The following NCAPH2 variants were observed in gnomAD, a reference collection of about 807,000 sequenced individuals.
The protein encoded by NCAPH2 is condensin-2 complex subunit H2.
NCAPH2 carries 56 observed loss-of-function variants against 88.6 expected under a neutral mutation model. The ratio of observed to expected loss-of-function variants is 0.63; its 90% CI spans 0.51 to 0.79. The LOEUF (loss-of-function observed/expected upper bound fraction) is 0.79, where lower values mean the gene tolerates loss of function less well. Among genes scored for constraint, NCAPH2 ranks in the 30% least tolerant of loss-of-function variants. The pLI is 0.00. For missense variants in NCAPH2, 794 were observed against 792.0 expected (o/e 1.00, Z -0.03); for synonymous variants, 378 against 313.6 (o/e 1.21, Z -2.17).
At position 50,523,784 on chromosome 22, in the gene NCAPH2, TGTA is replaced by T; in HGVS notation, c.*413_*415del. ...TGGTCCTCATCCTTGGGGCCTGCAT[TGTA>T]GTACACGCGGTAACTGTGACTAGCC... is the stretch of plus-strand genomic sequence containing the variant. On this transcript the variant is annotated 3_prime_UTR_variant, in exon 20 of 20. Coordinates refer to ENST00000420993, the MANE Select transcript of NCAPH2 (RefSeq NM_152299.4). 1.2e-6 allele frequency: 2 copies of T among 1,614,122 alleles called. No homozygotes were observed. Among genetic ancestry groups the T allele is most frequent in the Non-Finnish European group, 1.7e-6 (2 of 1,180,014 alleles).
At chr22:50,512,200 C>G (rs2068803190) in intron 1 of NCAPH2, among the ~76,000 whole-genome samples, 1 of 152,242 alleles carries the variant, frequency 6.6e-6, no homozygotes, top group Non-Finnish European at 1.5e-5. Flanking sequence ...AGTAGAGTGC[C>G]TGGCACATAG....
In NCAPH2 at chr22:50,523,477, C is replaced by A; in HGVS notation, c.*102C>A. 1 of 1,531,836 alleles carries A rather than the reference C, an allele frequency of 6.5e-7. No homozygotes were observed. The highest frequency in any genetic ancestry group is 1.2e-5 in the South Asian group (1 of 83,498). 94.9% of individuals were successfully genotyped at this position (1,531,836 alleles called of 1,614,324 possible). A position where few individuals can be genotyped will look rare whatever the true frequency, so the allele number is the denominator to read the frequency against. The stretch of plus-strand genomic sequence containing the variant: ...TAAAGCAGTGTTGCCATCTCATCTT[C>A]CCCCTAAAAACCCTTTTATGTACAC... On this transcript the variant is annotated 3_prime_UTR_variant, in exon 20 of 20. Transcript: ENST00000420993.
rs373674489 is a variant in NCAPH2, at chr22:50,524,128, C to T, written c.*753C>T. ...GTCGCCCTGGCCCACAGCTGCCTGG[C>T]GCAGGGCTTCTGTTCGCTTTTGCTG... On this transcript the variant is annotated 3_prime_UTR_variant, in exon 20 of 20. Coordinates refer to ENST00000420993, the MANE Select transcript of NCAPH2 (RefSeq NM_152299.4). 50 of 1,612,620 alleles carry T rather than the reference C, an allele frequency of 3.1e-5. No individual in the cohort carries two copies. Among genetic ancestry groups the T allele is most frequent in the South Asian group, 8.8e-5 (8 of 91,088 alleles).
chr22:50,517,428 T>A lies in NCAPH2; in HGVS notation c.212T>A (p.Val71Glu). The A allele has an allele frequency of 1.2e-6, 2 of 1,613,994 alleles. No individual in the cohort carries two copies. Among genetic ancestry groups the A allele is most frequent in the East Asian group, 2.2e-5 (1 of 44,878 alleles). ...QGSACVYSKK[V>E]EYLYSLVYQA... is the part of the protein sequence containing the mutation. ...TCACTGCCTGCATCTGGTCACCAGG[T>A]GGAATACCTCTACTCACTCGTCTAC... Residue 71 changes from valine (V) to glutamate (E), a missense_variant and splice_region_variant, in exon 3 of 20, where the codon GTG (valine) becomes GAG (glutamate). Coordinates refer to ENST00000420993, the MANE Select transcript of NCAPH2 (RefSeq NM_152299.4).
intron 7 of NCAPH2, 52 bp downstream of exon 7, chr22:50,518,330 G>C: frequency 6.3e-7 from 1 of 1,592,564 alleles, no homozygotes; most frequent in Non-Finnish European, 8.5e-7. Flanking sequence ...GGGTCTTCTG[G>C]TTGGACTCTT....
At chr22:50,517,170 T>C (rs1288992803) in intron 2 of NCAPH2, among the ~76,000 whole-genome samples, 1 of 152,152 alleles carries the variant, frequency 6.6e-6, no homozygotes, top group East Asian at 1.9e-4. Flanking sequence ...GGGTCACACG[T>C]TGAGAAGGCC....
In NCAPH2 at chr22:50,522,532, G is replaced by A. The variant is rs2069137343; in HGVS notation, c.1338G>A (p.Glu446=). The change falls in exon 16 of 20, where the codon GAG becomes GAA. Residue 446 remains glutamate (E), a synonymous_variant. Coordinates refer to ENST00000420993, the MANE Select transcript of NCAPH2 (RefSeq NM_152299.4). ...TTCTAGAGCCTGAGGAGTACATGGAGCCCGAGGGAGCAGACCCCAGGGAAG... is the reference window on the plus strand; with the variant it reads ...TTCTAGAGCCTGAGGAGTACATGGAACCCGAGGGAGCAGACCCCAGGGAAG... ...DDFLEPEEYM[E]PEGADPREAA... 4 of 1,613,752 alleles carry A rather than the reference G, an allele frequency of 2.5e-6. No homozygotes were observed. The highest frequency in any genetic ancestry group is 3.4e-6 in the Non-Finnish European group (4 of 1,179,954).
In NCAPH2 at chr22:50,515,215, G is replaced by C. The variant is rs561457105; in HGVS notation, c.109-1232G>C. 1.7e-4 allele frequency among the ~76,000 whole-genome samples: 26 copies of C among 152,310 alleles called. No homozygotes were observed. In the South Asian group the frequency reaches 5.4e-3, roughly 32 times the overall value. On this transcript the variant is annotated intron_variant, in intron 1 of 19. Coordinates refer to ENST00000420993, the MANE Select transcript of NCAPH2 (RefSeq NM_152299.4). Reference sequence around the variant, plus strand: ...GGGACAGCTGGGGGTCGGTGTTCCAGGCAGATGGAAATGCAAAATTGAAGA... The same window carrying C: ...GGGACAGCTGGGGGTCGGTGTTCCACGCAGATGGAAATGCAAAATTGAAGA...
intron 1 of NCAPH2, 45 bp downstream of exon 1, chr22:50,508,490 G>C: frequency 9.7e-7 from 1 of 1,028,332 alleles, no homozygotes; most frequent in Non-Finnish European, 1.3e-6. Flanking sequence ...GGCGGGTGGG[G>C]CTGCGGGGCG....
intron 1 of NCAPH2, among the ~76,000 whole-genome samples, chr22:50,514,685 A>G (rs985494663): frequency 6.6e-6 from 1 of 152,160 alleles, no homozygotes; most frequent in Non-Finnish European, 1.5e-5. Context: ...TTTCTGGACC[A>G]GCTCTTCAGG....
intron 7 of NCAPH2, 120 bp downstream of exon 7, chr22:50,518,398 T>A: frequency 7.1e-7 from 1 of 1,414,316 alleles, no homozygotes; most frequent in Non-Finnish European, 9.5e-7. Flanking sequence ...TCTGGGTGCC[T>A]GCTCTAGTCT....
At chr22:50,508,849 A>G (rs952568927) in intron 1 of NCAPH2, among the ~76,000 whole-genome samples, 23 of 152,214 alleles carry the variant, frequency 1.5e-4, no homozygotes, top group African/African-American at 4.8e-4. Context: ...ACCAATTTCA[A>G]GCTATTGCCA....
In NCAPH2 at chr22:50,524,481, G is replaced by T; in HGVS notation, c.*1106G>T. 1 of 1,524,924 alleles carries T rather than the reference G, an allele frequency of 6.6e-7. No homozygotes were observed. The allele number at this position is 1,524,924 out of a possible 1,614,324, so 94.5% of individuals were successfully genotyped here. On this transcript the variant is annotated 3_prime_UTR_variant, in exon 20 of 20. Coordinates refer to ENST00000420993, the MANE Select transcript of NCAPH2 (RefSeq NM_152299.4). The stretch of plus-strand genomic sequence containing the variant: ...AGGGAAGGCCCAGGACAGTGCCTGG[G>T]CTGCCCCTGCGACTTGAGACCAGCC...
intron 6 of NCAPH2, 39 bp downstream of exon 6, chr22:50,518,091 C>A (rs2068979138): frequency 1.2e-6 from 2 of 1,613,534 alleles, no homozygotes; most frequent in South Asian, 2.2e-5. Flanking sequence ...GGAGGCCTGC[C>A]TGGGAAGGGT....
rs1354346461 is a variant in NCAPH2 at position 50,518,740 on chromosome 22, G to T, written c.730+8G>T. On this transcript the variant is annotated splice_region_variant and intron_variant, in intron 8 of 19. Coordinates refer to ENST00000420993, the MANE Select transcript of NCAPH2 (RefSeq NM_152299.4). Reference sequence around the variant, plus strand: ...GCTTCTCCCAGGAGCCAGGTGAGAAGAGAGCTCCCCGGTGGGACTGGCAGG... The same window carrying T: ...GCTTCTCCCAGGAGCCAGGTGAGAATAGAGCTCCCCGGTGGGACTGGCAGG... The T allele has an allele frequency of 6.2e-7, 1 of 1,600,160 alleles. No homozygotes were observed. The highest frequency in any genetic ancestry group is 1.7e-5 in the Admixed American group (1 of 58,370).
At chr22:50,513,759 C>T (rs1397994944) in intron 1 of NCAPH2, among the ~76,000 whole-genome samples, 1 of 152,096 alleles carries the variant, frequency 6.6e-6, no homozygotes, top group Non-Finnish European at 1.5e-5. Context: ...GAGAGACTGT[C>T]TCAAAAACAA....
At chr22:50,517,682 G>C in intron 4 of NCAPH2, 21 bp downstream of exon 4, 1 of 1,614,118 alleles carries the variant, frequency 6.2e-7, no homozygotes, top group Non-Finnish European at 8.5e-7. Context: ...TTGGCATGTG[G>C]TCCCCGCCCA....
chr22:50,518,764 G>GGGCAGCCAAAGAGGGGACCAGGGAGGC (rs2069000528), intron 8 of NCAPH2, 32 bp downstream of exon 8: 1 of 1,574,358 alleles, frequency 6.4e-7, no homozygotes, highest in South Asian at 1.2e-5. Flanking sequence ...GGGACTGGCA[G>GGGCAGCCAAAGAGGGGACCAGGGAGGC]GGCAGCCAAA....
rs755467478 is a variant in NCAPH2, at chr22:50,523,133, G to A, written c.1644G>A (p.Glu548=). The A allele has an allele frequency of 1.2e-6, 2 of 1,613,690 alleles. No individual in the cohort carries two copies. Among genetic ancestry groups the A allele is most frequent in the Admixed American group, 1.7e-5 (1 of 59,954 alleles). ...AELVAGQPAF[E]VCRSMLASLQ... is the part of the protein sequence containing the mutation. ...TGGTGGCTGGCCAGCCGGCCTTCGA[G>A]GTGTGTCGTTCCATGCTGGCCTCCC... Residue 548 remains glutamate, a synonymous_variant, in exon 19 of 20, where the codon GAG becomes GAA. Transcript: ENST00000420993.
Sources: allele counts gnomAD v4.1 joint callset (sites outside exome capture counted in the v4.1 genomes callset), GRCh38; gene constraint gnomAD v4.1.1; transcripts MANE v1.5; gene names NCBI Gene and HGNC (gene_info 2026-07-23, HGNC 2026-07-21).